Variants in NUDCD1 observed in about 807,000 individuals in gnomAD.
NUDCD1 encodes NudC domain containing 1.
NUDCD1 carries 60 observed loss-of-function variants against 67.8 expected under a neutral mutation model. The observed-to-expected ratio is 0.88, with a 90% CI of 0.72 to 1.10. The LOEUF is 1.10. Among genes scored for constraint, NUDCD1 ranks in the 50% least tolerant of loss-of-function variants. The pLI is 0.00. For synonymous variants in NUDCD1, 244 were observed against 230.8 expected (o/e 1.06, Z -0.52); for missense variants, 643 against 695.0 (o/e 0.93, Z 0.84).
Position 109,242,865 on chromosome 8 carries a change from A to G in NUDCD1, c.*144T>C. On this transcript the variant is annotated 3_prime_UTR_variant, in exon 10 of 10. Coordinates refer to ENST00000239690, the MANE Select transcript of NUDCD1 (RefSeq NM_032869.4). ...TTTACAGAATCATAATCTCTTGAAT[A>G]TATTTCCAATGTTATTAAAAAATAA... is the stretch of plus-strand genomic sequence containing the variant. 2.0e-6 allele frequency: 1 copy of G among 502,908 alleles called. No individual in the cohort carries two copies. The highest frequency in any genetic ancestry group is 3.0e-5 in the East Asian group (1 of 33,288). 31.2% of individuals were successfully genotyped at this position (502,908 alleles called of 1,614,324 possible).
chr8:109,262,083 C>A (rs189231914), intron 8 of NUDCD1, among the ~76,000 whole-genome samples: 70 of 152,304 alleles, frequency 4.6e-4, no homozygotes, highest in Non-Finnish European at 8.1e-4. Flanking sequence ...TTCAGCCACT[C>A]TCTATGGGCT....
chr8:109,277,536 A>G (rs1328241891), intron 6 of NUDCD1, among the ~76,000 whole-genome samples: 1 of 152,204 alleles, frequency 6.6e-6, no homozygotes, highest in Non-Finnish European at 1.5e-5. Flanking sequence ...CCAAAGTGAG[A>G]CAACAGTAAC....
At chr8:109,296,264 T>G in intron 3 of NUDCD1, 120 bp downstream of exon 3, 1 of 788,982 alleles carries the variant, frequency 1.3e-6, no homozygotes. Context: ...CAAAACATTA[T>G]ATATCAAACA....
At chr8:109,301,956 G>A (rs897652240) in intron 2 of NUDCD1, among the ~76,000 whole-genome samples, 20 of 152,134 alleles carry the variant, frequency 1.3e-4, no homozygotes, top group Non-Finnish European at 2.5e-4. Flanking sequence ...AGTCAAGTGC[G>A]GGGATGCCTG....
Position 109,293,327 on chromosome 8 carries a change from T to C in NUDCD1, c.640+17A>G. On this transcript the variant is annotated intron_variant, in intron 4 of 9. Transcript: ENST00000239690. ...ATAATGCCAACCAGTAGAGACAGAT[T>C]CAGACTTTTGTTTTACCTTGATTTT... The C allele has an allele frequency of 6.9e-7, 1 of 1,443,660 alleles. No individual in the cohort carries two copies. The highest frequency in any genetic ancestry group is 1.3e-5 in the South Asian group (1 of 75,676). The allele number at this position is 1,443,660 out of a possible 1,614,324, so 89.4% of individuals were successfully genotyped here.
At chr8:109,333,340 G>A (rs1431222429) in intron 1 of NUDCD1, among the ~76,000 whole-genome samples, 2 of 152,176 alleles carry the variant, frequency 1.3e-5, no homozygotes, top group African/African-American at 4.8e-5. Context: ...AGCAGTGTGG[G>A]AGTAAATCCA....
chr8:109,294,285 C>T (rs1044018567), intron 3 of NUDCD1, among the ~76,000 whole-genome samples: 1 of 152,028 alleles, frequency 6.6e-6, no homozygotes, highest in African/African-American at 2.4e-5. Flanking sequence ...CACATATCTA[C>T]TTCTACTTGA....
chr8:109,247,697 A>G (rs1813530148), intron 8 of NUDCD1, among the ~76,000 whole-genome samples: 1 of 152,110 alleles, frequency 6.6e-6, no homozygotes, highest in Non-Finnish European at 1.5e-5. Context: ...TTTACCTGAT[A>G]GATTCCCACT....
chr8:109,257,852 T>A (rs1207607867), intron 8 of NUDCD1, among the ~76,000 whole-genome samples: 1 of 152,108 alleles, frequency 6.6e-6, no homozygotes, highest in Non-Finnish European at 1.5e-5. Flanking sequence ...TATGACTGAG[T>A]TCTAATAAAA....
chr8:109,275,079 TAGAG>T (rs1181343851), intron 7 of NUDCD1, among the ~76,000 whole-genome samples: 1 of 151,690 alleles, frequency 6.6e-6, no homozygotes, highest in East Asian at 1.9e-4. Flanking sequence ...AGAATACATG[TAGAG>T]AGAGAGAGCG....
chr8:109,311,637 T>C (rs745387781), intron 2 of NUDCD1, among the ~76,000 whole-genome samples: 33 of 150,338 alleles, frequency 2.2e-4, no homozygotes, highest in Non-Finnish European at 3.8e-4. Context: ...CTGGATGAGA[T>C]TGGAGACTAT....
chr8:109,243,671 C>T (rs1416426255), intron 9 of NUDCD1, among the ~76,000 whole-genome samples: 3 of 152,228 alleles, frequency 2.0e-5, no homozygotes, highest in East Asian at 1.9e-4. Flanking sequence ...TCGTGAGTTA[C>T]GGATAGGGCA....
intron 2 of NUDCD1, among the ~76,000 whole-genome samples, chr8:109,306,891 C>G (rs1282949243): frequency 6.6e-6 from 1 of 152,180 alleles, no homozygotes; most frequent in East Asian, 1.9e-4. Flanking sequence ...CTCTATGTTC[C>G]CATGCTGCCC....
At chr8:109,312,829 C>A (rs1815289465) in intron 2 of NUDCD1, among the ~76,000 whole-genome samples, 1 of 152,158 alleles carries the variant, frequency 6.6e-6, no homozygotes, top group Non-Finnish European at 1.5e-5. Flanking sequence ...AAGGCCTCTG[C>A]ATGACCGTGA....
intron 2 of NUDCD1, among the ~76,000 whole-genome samples, chr8:109,311,214 T>C (rs912079308): frequency 2.6e-5 from 4 of 152,142 alleles, no homozygotes; most frequent in African/African-American, 9.7e-5. Context: ...AAAACTACAA[T>C]GCGATACCCC....
chr8:109,317,488 GATA>G (rs1815426826), intron 2 of NUDCD1, among the ~76,000 whole-genome samples: 1 of 152,142 alleles, frequency 6.6e-6, no homozygotes, highest in Non-Finnish European at 1.5e-5. Context: ...GTAAGATGTG[GATA>G]ATAATAGTAT....
At chr8:109,289,062 GC>G (rs1196502772) in intron 5 of NUDCD1, among the ~76,000 whole-genome samples, 1 of 151,066 alleles carries the variant, frequency 6.6e-6, no homozygotes, top group Non-Finnish European at 1.5e-5. Flanking sequence ...AACAACCTCT[GC>G]CTCCTGGGTT....
chr8:109,326,912 G>A (rs1361810374), intron 1 of NUDCD1, among the ~76,000 whole-genome samples: 1 of 152,204 alleles, frequency 6.6e-6, no homozygotes. Context: ...ATTCATTACT[G>A]TTTCTTGGCT....
chr8:109,250,769 TTGA>T (rs34268690), intron 8 of NUDCD1, among the ~76,000 whole-genome samples: 8,575 of 152,242 alleles, frequency 0.056, 749 homozygotes, highest in African/African-American at 0.19. Context: ...ATTATACTGA[TTGA>T]TGATATTTGA....
Sources: allele counts gnomAD v4.1 joint callset (sites outside exome capture counted in the v4.1 genomes callset), GRCh38; gene constraint gnomAD v4.1.1; transcripts MANE v1.5; gene names NCBI Gene and HGNC (gene_info 2026-07-23, HGNC 2026-07-21).